The following MICAL2 variants were observed in gnomAD, a reference collection of about 807,000 sequenced individuals.
MICAL2 encodes the protein [F-actin]-monooxygenase MICAL2.
In MICAL2, 77 loss-of-function variants were observed where a neutral mutation model predicts 127.3. The observed-to-expected ratio is 0.60, with a 90% CI of 0.50 to 0.73. The LOEUF (loss-of-function observed/expected upper bound fraction) is 0.73, where lower values mean the gene tolerates loss of function less well. MICAL2 is among the 30% of genes least tolerant of loss of function. The pLI, the probability that MICAL2 is intolerant of heterozygous loss-of-function variation, is 0.00. For missense variants in MICAL2, 1,351 were observed against 1,434.4 expected, an observed-to-expected ratio of 0.94 and a Z score of 0.94; for synonymous variants, 570 against 551.1, an observed-to-expected ratio of 1.03 and a Z score of -0.48.
chr11:12,133,813 A>G (rs1851619051), intron 1 of MICAL2, among the ~76,000 whole-genome samples: 2 of 152,196 alleles, frequency 1.3e-5, no homozygotes, highest in Admixed American at 1.3e-4. Flanking sequence ...TTGCCCAAGG[A>G]TGCACCTGAG....
downstream of MICAL2, among the ~76,000 whole-genome samples, chr11:12,291,359 C>G (rs895869466): frequency 1.3e-5 from 2 of 152,092 alleles, no homozygotes; most frequent in African/African-American, 4.8e-5. Context: ...GAGAGGAAGA[C>G]AGTGCGCACA....
At chr11:12,355,232 C>G (rs894628756) in intron 34 of MICAL2, among the ~76,000 whole-genome samples, 8 of 152,124 alleles carry the variant, frequency 5.3e-5, no homozygotes, top group African/African-American at 1.9e-4. Flanking sequence ...CCCCCAGTTC[C>G]GTAATGCTAG....
exon 30 of MICAL2, chr11:12,319,782 T>A (rs1304964309): frequency 6.2e-7 from 1 of 1,614,126 alleles, no homozygotes. Context: ...AGATGAAGAA[T>A]TTGATCCCCA....
chr11:12,306,493 C>G (rs1396614638), intron 29 of MICAL2, among the ~76,000 whole-genome samples: 1 of 152,096 alleles, frequency 6.6e-6, no homozygotes, highest in African/African-American at 2.4e-5. Context: ...AAAATTTACC[C>G]TTTTAAAATG....
At chr11:12,124,314 C>A (rs778156106) in intron 1 of MICAL2, among the ~76,000 whole-genome samples, 13 of 152,114 alleles carry the variant, frequency 8.5e-5, no homozygotes, top group Non-Finnish European at 1.8e-4. Flanking sequence ...GATCTTTGAC[C>A]GACTGACTTT....
chr11:12,279,030 C>T (rs2134761854), intron 1 of MICAL2, among the ~76,000 whole-genome samples: 1 of 152,240 alleles, frequency 6.6e-6, no homozygotes, highest in South Asian at 2.1e-4. Context: ...GTAAGAATAT[C>T]TTCCTGTAGA....
chr11:12,230,050 T>G (rs576296049), intron 15 of MICAL2, among the ~76,000 whole-genome samples: 1 of 152,342 alleles, frequency 6.6e-6, no homozygotes, highest in Admixed American at 6.5e-5. Context: ...GTAAGGCTAC[T>G]GGGTCACCAC....
At chr11:12,190,585 A>G (rs149484386) in intron 3 of MICAL2, among the ~76,000 whole-genome samples, 161 of 152,342 alleles carry the variant, frequency 1.1e-3, no homozygotes, top group Non-Finnish European at 1.6e-3. Flanking sequence ...TTTCACAGAC[A>G]AGGTTGCATA....
At chr11:12,284,889 C>T (rs891551637) in intron 2 of MICAL2, among the ~76,000 whole-genome samples, 1 of 152,172 alleles carries the variant, frequency 6.6e-6, no homozygotes, top group Non-Finnish European at 1.5e-5. Context: ...AGACATGAAG[C>T]GCCTCCAAAT....
At chr11:12,225,332 A>T (rs1552877) in intron 13 of MICAL2, among the ~76,000 whole-genome samples, 57,233 of 152,060 alleles carry the variant, frequency 0.38, 11,783 homozygotes, top group African/African-American at 0.53. Flanking sequence ...TGTTTGAGGA[A>T]ACACTGTGGT....
At chr11:12,339,415 G>A (rs1427908214) in intron 32 of MICAL2, among the ~76,000 whole-genome samples, 1 of 151,940 alleles carries the variant, frequency 6.6e-6, no homozygotes, top group African/African-American at 2.4e-5. Context: ...TTAGCTCATA[G>A]TAGTTTGATC....
intron 32 of MICAL2, among the ~76,000 whole-genome samples, chr11:12,344,246 A>G (rs951322132): frequency 2.0e-5 from 3 of 152,098 alleles, no homozygotes; most frequent in African/African-American, 7.2e-5. Flanking sequence ...CAGTGAGCTG[A>G]GATCATGCTA....
At chr11:12,221,437 C>A (rs1183761437) in intron 9 of MICAL2, among the ~76,000 whole-genome samples, 4 of 152,228 alleles carry the variant, frequency 2.6e-5, no homozygotes, top group African/African-American at 7.2e-5. Context: ...GCTATGCCTG[C>A]GTCATAGCAC....
At chr11:12,325,156 C>A (rs1042896479) in intron 31 of MICAL2, among the ~76,000 whole-genome samples, 2 of 152,126 alleles carry the variant, frequency 1.3e-5, no homozygotes, top group African/African-American at 4.8e-5. Flanking sequence ...GTCACCCAGG[C>A]TGGAGTGCAG....
At chr11:12,332,783 G>T (rs971685523) in intron 32 of MICAL2, among the ~76,000 whole-genome samples, 3 of 152,140 alleles carry the variant, frequency 2.0e-5, no homozygotes, top group African/African-American at 7.2e-5. Context: ...CCCTTTCCCA[G>T]GAAGCAAGTA....
intron 3 of MICAL2, among the ~76,000 whole-genome samples, chr11:12,174,270 C>G (rs936033264): frequency 1.3e-5 from 2 of 150,834 alleles, no homozygotes; most frequent in Non-Finnish European, 2.9e-5. Context: ...TGTGGTACAC[C>G]CATTACTATC....
downstream of MICAL2, among the ~76,000 whole-genome samples, chr11:12,268,515 C>T (rs1318799064): frequency 1.3e-5 from 2 of 152,204 alleles, no homozygotes; most frequent in Non-Finnish European, 2.9e-5. Flanking sequence ...GGGTGGGGAA[C>T]ACTCCACCCA....
chr11:12,166,805 C>T (rs2133840419), intron 3 of MICAL2, among the ~76,000 whole-genome samples: 1 of 152,216 alleles, frequency 6.6e-6, no homozygotes, highest in East Asian at 1.9e-4. Flanking sequence ...CAGGGGTAGT[C>T]TGGGAACGCT....
chr11:12,320,394 A>G (rs538189778), intron 30 of MICAL2, among the ~76,000 whole-genome samples: 109 of 152,364 alleles, frequency 7.2e-4, no homozygotes, highest in Non-Finnish European at 1.2e-3. Flanking sequence ...TAGATTAAAA[A>G]AACACAAACA....
Sources: allele counts gnomAD v4.1 joint callset (sites outside exome capture counted in the v4.1 genomes callset), GRCh38; gene constraint gnomAD v4.1.1; transcripts MANE v1.5; gene names NCBI Gene and HGNC (gene_info 2026-07-23, HGNC 2026-07-21).